Variants in CPXM2 observed in about 807,000 individuals in gnomAD.
The protein encoded by CPXM2 is inactive carboxypeptidase-like protein X2.
CPXM2 carries 66 observed loss-of-function variants against 86.1 expected under a neutral mutation model. The observed-to-expected ratio is 0.77, with a 90% CI of 0.63 to 0.94. The LOEUF is 0.94. CPXM2 is among the 40% of genes least tolerant of loss of function. The probability of loss-of-function intolerance (pLI) is 0.00; values close to 1 mark genes in which losing one functional copy is unlikely to be tolerated. For synonymous variants in CPXM2, 388 were observed against 400.2 expected (o/e 0.97, Z 0.36); for missense variants, 948 against 1,026.3 (o/e 0.92, Z 1.04).
intron 2 of CPXM2, among the ~76,000 whole-genome samples, chr10:123,875,049 G>A (rs116210416): frequency 3.9e-5 from 6 of 152,194 alleles, no homozygotes; most frequent in Non-Finnish European, 8.8e-5. Context: ...CTCATGTAGT[G>A]TTCAAAAACA....
At chr10:123,761,517 C>G (rs1368109141) in intron 11 of CPXM2, among the ~76,000 whole-genome samples, 3 of 152,192 alleles carry the variant, frequency 2.0e-5, no homozygotes, top group Non-Finnish European at 4.4e-5. Flanking sequence ...TGTCCAATAT[C>G]GCCATTAACT....
At chr10:123,789,503 C>T (rs1214455219) in intron 6 of CPXM2, among the ~76,000 whole-genome samples, 5 of 152,200 alleles carry the variant, frequency 3.3e-5, no homozygotes. Context: ...GCTGTTTTAA[C>T]AGTTTCCCAA....
intron 3 of CPXM2, among the ~76,000 whole-genome samples, chr10:123,856,326 T>C (rs1448028856): frequency 6.6e-6 from 1 of 152,228 alleles, no homozygotes; most frequent in Non-Finnish European, 1.5e-5. Context: ...TGCTTACTAC[T>C]GCAATCTGTT....
At chr10:123,862,879 C>A (rs1477379167) in intron 2 of CPXM2, among the ~76,000 whole-genome samples, 156 bp from the exon 3 acceptor site, 1 of 152,196 alleles carries the variant, frequency 6.6e-6, no homozygotes, top group Non-Finnish European at 1.5e-5. Flanking sequence ...GAACTGTCAA[C>A]ATTAAGCCAA....
intron 4 of CPXM2, among the ~76,000 whole-genome samples, chr10:123,800,982 G>A (rs538199765): frequency 3.3e-4 from 51 of 152,246 alleles, no homozygotes; most frequent in African/African-American, 1.1e-3. Context: ...ACACTCTGAC[G>A]TGACAGTCCA....
At chr10:123,823,821 A>G in intron 4 of CPXM2, among the ~76,000 whole-genome samples, 1 of 152,194 alleles carries the variant, frequency 6.6e-6, no homozygotes, top group Non-Finnish European at 1.5e-5. Flanking sequence ...TATTGAGATT[A>G]AGAAAAAGAA....
chr10:123,761,972 G>A lies in CPXM2; in HGVS notation c.1677C>T (p.His559=), dbSNP rs748178531. The change falls in exon 11 of 14, where the codon CAC becomes CAT. Residue 559 remains histidine (H), a synonymous_variant. Coordinates refer to ENST00000241305, the MANE Select transcript of CPXM2 (RefSeq NM_198148.3). The stretch of plus-strand genomic sequence containing the variant: ...TCCTCCGGGCGTCTGTCATGAGGCG[G>A]TGTGTGGAGGCATAGGAGTAGGCCA... ...RWLAYSYAST[H]RLMTDARRRV... is the part of the protein sequence containing the mutation. 5 of 1,613,724 alleles carry A rather than the reference G, an allele frequency of 3.1e-6. No individual in the cohort carries two copies. The Admixed American group carries it at 8.3e-5, about 27-fold the overall frequency.
intron 9 of CPXM2, among the ~76,000 whole-genome samples, chr10:123,767,719 T>C (rs1846513692): frequency 6.6e-6 from 1 of 152,260 alleles, no homozygotes; most frequent in Non-Finnish European, 1.5e-5. Flanking sequence ...ACTAACTATA[T>C]GTTCTATTTA....
At chr10:123,868,122 C>T (rs890150755) in intron 2 of CPXM2, among the ~76,000 whole-genome samples, 16 of 152,160 alleles carry the variant, frequency 1.1e-4, no homozygotes, top group African/African-American at 3.6e-4. Context: ...TGGATGAGAC[C>T]TCTGTCAGCC....
At chr10:123,934,218 C>T (rs555298484) in intron 2 of CPXM2, among the ~76,000 whole-genome samples, 1 of 152,250 alleles carries the variant, frequency 6.6e-6, no homozygotes, top group East Asian at 1.9e-4. Context: ...GCTGCCATAG[C>T]CCAGCACCAC....
At chr10:123,876,221 ATAT>A (rs1944984819) in intron 2 of CPXM2, among the ~76,000 whole-genome samples, 2 of 152,216 alleles carry the variant, frequency 1.3e-5, no homozygotes, top group Admixed American at 6.5e-5. Flanking sequence ...CCACCTGAGC[ATAT>A]GTAGAGCACC....
intron 4 of CPXM2, among the ~76,000 whole-genome samples, chr10:123,841,280 C>T (rs917646563): frequency 1.5e-4 from 23 of 152,198 alleles, no homozygotes; most frequent in African/African-American, 5.5e-4. Context: ...TGCAGCTCTA[C>T]CTCCGTCTCC....
chr10:123,927,566 A>G (rs1477181528), intron 2 of CPXM2, among the ~76,000 whole-genome samples: 2 of 152,222 alleles, frequency 1.3e-5, no homozygotes, highest in African/African-American at 4.8e-5. Context: ...ACAGCAAATG[A>G]ATGGCAGAGC....
At chr10:123,880,810 CAG>C (rs1408520461) in intron 1 of CPXM2, among the ~76,000 whole-genome samples, 1 of 111,594 alleles carries the variant, frequency 9.0e-6, no homozygotes, top group African/African-American at 3.6e-5. Flanking sequence ...GCCTGGGTGA[CAG>C]AGCGAGATTC....
At chr10:123,878,580 C>A (rs961056162) in intron 2 of CPXM2, among the ~76,000 whole-genome samples, 1 of 150,902 alleles carries the variant, frequency 6.6e-6, no homozygotes, top group Non-Finnish European at 1.5e-5. Flanking sequence ...CGAAAATGGT[C>A]TCCTCAAAAG....
chr10:123,926,930 C>A (rs1428450676), intron 2 of CPXM2, among the ~76,000 whole-genome samples: 1 of 152,198 alleles, frequency 6.6e-6, no homozygotes, highest in African/African-American at 2.4e-5. Flanking sequence ...CAGCCAAATG[C>A]CCCCTAACTG....
intron 2 of CPXM2, among the ~76,000 whole-genome samples, chr10:123,903,220 C>G: frequency 6.6e-6 from 1 of 152,198 alleles, no homozygotes. Flanking sequence ...GTACCTTGTC[C>G]TGGGCCTAGG....
chr10:123,758,779 C>G (rs1846271282), intron 11 of CPXM2, among the ~76,000 whole-genome samples: 1 of 152,146 alleles, frequency 6.6e-6, no homozygotes, highest in Admixed American at 6.5e-5. Flanking sequence ...CAGTAGAAGG[C>G]CCCTCTGACC....
intron 13 of CPXM2, chr10:123,751,554 A>G (rs1400113860): frequency 1.0e-6 from 1 of 985,278 alleles, no homozygotes; most frequent in Non-Finnish European, 1.2e-6. Context: ...AGGTCAGTTC[A>G]GTACCCACCA....
Sources: allele counts gnomAD v4.1 joint callset (sites outside exome capture counted in the v4.1 genomes callset), GRCh38; gene constraint gnomAD v4.1.1; transcripts MANE v1.5; gene names NCBI Gene and HGNC (gene_info 2026-07-23, HGNC 2026-07-21).